MTA1: variants seen among roughly 807,000 people sequenced by gnomAD.
MTA1 encodes metastasis-associated protein MTA1.
A neutral mutation model predicts 97.0 loss-of-function variants in MTA1; 15 were observed. The ratio of observed to expected loss-of-function variants is 0.15; its 90% CI spans 0.10 to 0.24. The LOEUF (loss-of-function observed/expected upper bound fraction) is 0.24. Ranked by LOEUF, MTA1 falls within the 10% of genes least tolerant of loss-of-function variation. MTA1 has a pLI of 1.00. For synonymous variants in MTA1, 435 were observed against 417.5 expected, an observed-to-expected ratio of 1.04 and a Z score of -0.51; for missense variants, 709 against 1,015.1, an observed-to-expected ratio of 0.70 and a Z score of 4.10.
At chr14:105,428,616 CT>C (rs1298952426) in intron 1 of MTA1, among the ~76,000 whole-genome samples, 1 of 152,018 alleles carries the variant, frequency 6.6e-6, no homozygotes, top group East Asian at 1.9e-4. Flanking sequence ...AACTTTGTTC[CT>C]CATTTTCAAA....
intron 3 of MTA1, among the ~76,000 whole-genome samples, chr14:105,448,495 G>T (rs1222149872): frequency 6.6e-6 from 1 of 152,200 alleles, no homozygotes; most frequent in South Asian, 2.1e-4. Context: ...CTCTGGTCTG[G>T]GGCTGGTGTG....
At chr14:105,453,973 G>T (rs587717934) in intron 6 of MTA1, among the ~76,000 whole-genome samples, 8 of 152,294 alleles carry the variant, frequency 5.3e-5, no homozygotes, top group African/African-American at 1.9e-4. Flanking sequence ...CATGGGGCAG[G>T]TGCATCCCCC....
rs2081782483 is a variant in MTA1 at position 105,420,256 on chromosome 14, C to CG, written c.28+198dup. Among the ~76,000 whole-genome samples, 1 of 147,560 alleles carries CG rather than the reference C, an allele frequency of 6.8e-6. No individual in the cohort carries two copies. The highest frequency in any genetic ancestry group is 1.5e-5 in the Non-Finnish European group (1 of 66,442). On this transcript the variant is annotated intron_variant, in intron 1 of 20. Coordinates refer to ENST00000331320, the MANE Select transcript of MTA1 (RefSeq NM_004689.4). The surrounding 1 kb of genome is among the most constrained non-coding windows in gnomAD (Gnocchi z 5.3). ...AAATGGCCCCGCGGGTCGGCCCCAT[C>CG]GGGGGCGGGCGGGGCTCGGCGGCCC...
chr14:105,420,097 C>T lies in MTA1; in HGVS notation c.28+34C>T. 9.9e-7 allele frequency: 1 copy of T among 1,008,350 alleles called. No individual in the cohort carries two copies. Among genetic ancestry groups the T allele is most frequent in the Admixed American group, 5.3e-5 (1 of 18,784 alleles). 62.5% of individuals were successfully genotyped at this position (1,008,350 alleles called of 1,614,324 possible). On this transcript the variant is annotated intron_variant, in intron 1 of 20. Coordinates refer to ENST00000331320, the MANE Select transcript of MTA1 (RefSeq NM_004689.4). This position sits in a 1 kb window ranked among gnomAD's most constrained non-coding sequence, Gnocchi z 5.3. ...GCACCGCCTTTATGCCCGGCCCCGACCCGCCCGCAGCCCCCACCCGCCGCC... is the reference window on the plus strand; with the variant it reads ...GCACCGCCTTTATGCCCGGCCCCGATCCGCCCGCAGCCCCCACCCGCCGCC...
In MTA1 at chr14:105,464,765, C is replaced by T. The variant is rs1265403774; in HGVS notation, c.1436C>T (p.Thr479Met). 5 of 1,609,634 alleles carry T rather than the reference C, an allele frequency of 3.1e-6. No individual in the cohort carries two copies. The highest frequency in any genetic ancestry group is 2.5e-6 in the Non-Finnish European group (3 of 1,177,680). ...TTCTATCTGCACACGACGAAGCTGA[C>T]GCGGATCGCCCGGCGCCTGTGCCGT... The part of the protein sequence containing the change: ...QAFYLHTTKL[T>M]RIARRLCREI... The change falls in exon 15 of 21, where the codon ACG becomes ATG. Residue 479 changes from threonine (T) to methionine (M), a missense_variant. Transcript: ENST00000331320.
rs1344581281 is a variant in MTA1, at chr14:105,424,174, C to T, written c.28+4111C>T. Among the ~76,000 whole-genome samples the T allele has an allele frequency of 6.6e-6, 1 of 152,248 alleles. No individual in the cohort carries two copies. The highest frequency in any genetic ancestry group is 1.5e-5 in the Non-Finnish European group (1 of 68,050). ...GGCCACTGAGCTTCTCCTGCCTCAG[C>T]CACTGAGCACTCCTGGCTTGCTCCA... On this transcript the variant is annotated intron_variant, in intron 1 of 20. Transcript: ENST00000331320. This position sits in a 1 kb window ranked among gnomAD's most constrained non-coding sequence, Gnocchi z 4.0.
chr14:105,431,219 C>A (rs200121111), intron 1 of MTA1, among the ~76,000 whole-genome samples: 1 of 152,280 alleles, frequency 6.6e-6, no homozygotes, highest in Admixed American at 6.5e-5. Flanking sequence ...CCCACCACCA[C>A]GCACAGTTAA....
intron 6 of MTA1, 109 bp from the exon 7 acceptor site, chr14:105,454,084 A>G: frequency 2.6e-6 from 2 of 772,062 alleles, no homozygotes; most frequent in Non-Finnish European, 4.4e-6. Context: ...TCGCCCCACA[A>G]GAGCTCTGGG....
At position 105,447,612 on chromosome 14, in the gene MTA1, GC is replaced by G. The variant is rs200608157; in HGVS notation, c.191-1740del. ...GAGCAGTGTCCCAGCTCGAGCACTG[GC>G]CCCCCCAGGTACACAGCACAGCCCC... On this transcript the variant is annotated intron_variant, in intron 3 of 20. Transcript: ENST00000331320. Among the ~76,000 whole-genome samples the G allele has an allele frequency of 8.1e-4, 123 of 152,200 alleles. 4 individuals carry two copies. The East Asian group carries it at 0.013, about 16-fold the overall frequency.
rs1258294308 is a variant in MTA1 at position 105,470,265 on chromosome 14, C to T, written c.*50C>T. 6 of 1,371,326 alleles carry T rather than the reference C, an allele frequency of 4.4e-6. No individual in the cohort carries two copies. The highest frequency in any genetic ancestry group is 6.0e-5 in the East Asian group (2 of 33,222). 84.9% of individuals were successfully genotyped at this position (1,371,326 alleles called of 1,614,324 possible). ...CCCCGCCCCTCGCCCGCCCACACGGCCCCTTCCCAGCCAGCCCGCCGCCCG... is the reference window on the plus strand; with the variant it reads ...CCCCGCCCCTCGCCCGCCCACACGGTCCCTTCCCAGCCAGCCCGCCGCCCG... On this transcript the variant is annotated 3_prime_UTR_variant, in exon 21 of 21. Transcript: ENST00000331320.
At position 105,463,788 on chromosome 14, in the gene MTA1, G is replaced by T. The variant is rs924133633; in HGVS notation, c.1076+237G>T. The stretch of plus-strand genomic sequence containing the variant: ...GGGCATTGGGATTCCAGCCCACACC[G>T]CCAGGGTTCAGTCCCTGAGCTGGGC... On this transcript the variant is annotated intron_variant, in intron 12 of 20. Transcript: ENST00000331320. This position sits in a 1 kb window ranked among gnomAD's most constrained non-coding sequence, Gnocchi z 5.9. 3.2e-6 allele frequency: 2 copies of T among 622,066 alleles called. No individual in the cohort carries two copies. Among genetic ancestry groups the T allele is most frequent in the Non-Finnish European group, 5.7e-6 (2 of 352,522 alleles). The allele number at this position is 622,066 out of a possible 1,614,324, so 38.5% of individuals were successfully genotyped here.
At position 105,463,711 on chromosome 14, in the gene MTA1, C is replaced by A; in HGVS notation, c.1076+160C>A. ...GCGGCCCAGGGCTGGGGGGTTCTGG[C>A]TGCAGACGCAGTGGCCATGTCTCTG... is the stretch of plus-strand genomic sequence containing the variant. On this transcript the variant is annotated intron_variant, in intron 12 of 20. Coordinates refer to ENST00000331320, the MANE Select transcript of MTA1 (RefSeq NM_004689.4). This position sits in a 1 kb window ranked among gnomAD's most constrained non-coding sequence, Gnocchi z 5.9. 1.5e-6 allele frequency: 1 copy of A among 689,508 alleles called. No homozygotes were observed. The highest frequency in any genetic ancestry group is 2.5e-6 in the Non-Finnish European group (1 of 406,338). 42.7% of individuals were successfully genotyped at this position (689,508 alleles called of 1,614,324 possible). A position where few individuals can be genotyped will look rare whatever the true frequency, so the allele number is the denominator to read the frequency against.
intron 12 of MTA1, 31 bp from the exon 13 acceptor site, chr14:105,464,001 A>G (rs1555431703): frequency 1.9e-6 from 3 of 1,608,306 alleles, no homozygotes; most frequent in Non-Finnish European, 2.5e-6. Context: ...TGCTCCTGCA[A>G]CTCCTCTCGT....
chr14:105,432,746 C>T (rs188153680), intron 1 of MTA1, among the ~76,000 whole-genome samples: 1 of 152,210 alleles, frequency 6.6e-6, no homozygotes, highest in African/African-American at 2.4e-5. Flanking sequence ...TTGGCAACAG[C>T]TCATGTTTAA....
At chr14:105,457,622 G>A (rs587661515) in intron 7 of MTA1, among the ~76,000 whole-genome samples, 17 of 152,350 alleles carry the variant, frequency 1.1e-4, no homozygotes, top group Non-Finnish European at 2.5e-4. Flanking sequence ...GTGAACCCAA[G>A]TATCTCAAAA....
intron 6 of MTA1, among the ~76,000 whole-genome samples, chr14:105,450,774 C>T (rs782804843): frequency 6.6e-6 from 1 of 152,318 alleles, no homozygotes; most frequent in East Asian, 1.9e-4. Flanking sequence ...TGTGATTATA[C>T]GGTGTTAACC....
chr14:105,470,027 C>A (rs782356697), intron 20 of MTA1, 35 bp downstream of exon 20: 1 of 1,612,532 alleles, frequency 6.2e-7, no homozygotes, highest in Non-Finnish European at 8.5e-7. Context: ...GAGGGCTCCG[C>A]ACAGCGTCCC....
chr14:105,444,255 G>A (rs2082640355), intron 2 of MTA1, among the ~76,000 whole-genome samples: 1 of 151,794 alleles, frequency 6.6e-6, no homozygotes, highest in Admixed American at 6.6e-5. Context: ...GGCGCCTGTA[G>A]TCCCAGCTAC....
chr14:105,445,312 C>A, intron 2 of MTA1, 106 bp from the exon 3 acceptor site: 1 of 962,858 alleles, frequency 1.0e-6, no homozygotes. Flanking sequence ...GGTGTGGTTA[C>A]ACCTGCAGTC....
Sources: allele counts gnomAD v4.1 joint callset (sites outside exome capture counted in the v4.1 genomes callset), GRCh38; gene constraint gnomAD v4.1.1; non-coding constraint Gnocchi (gnomAD v3.1); transcripts MANE v1.5; gene names NCBI Gene and HGNC (gene_info 2026-07-23, HGNC 2026-07-21).